The following ADAMTS3 variants were observed in gnomAD, a reference collection of about 807,000 sequenced individuals.
The protein encoded by ADAMTS3 is ADAM metallopeptidase with thrombospondin type 1 motif 3.
Under a neutral mutation model 129.0 loss-of-function variants are expected in ADAMTS3, and 73 were observed. The ratio of observed to expected loss-of-function variants is 0.57; its 90% confidence interval spans 0.47 to 0.69. The LOEUF (loss-of-function observed/expected upper bound fraction) is 0.69. ADAMTS3 is among the 30% of genes least tolerant of loss of function. The pLI is 0.00. For synonymous variants in ADAMTS3, 477 were observed against 510.8 expected (o/e 0.93, Z 0.89); for missense variants, 1,457 against 1,514.5 (o/e 0.96, Z 0.63).
intron 3 of ADAMTS3, among the ~76,000 whole-genome samples, chr4:72,475,412 G>T (rs939259410): frequency 1.3e-5 from 2 of 151,728 alleles, no homozygotes; most frequent in African/African-American, 4.8e-5. Context: ...TATATTAACA[G>T]AAAGAGATAT....
intron 4 of ADAMTS3, among the ~76,000 whole-genome samples, chr4:72,363,684 A>G (rs1247224885): frequency 2.0e-5 from 3 of 152,166 alleles, no homozygotes; most frequent in African/African-American, 4.8e-5. Context: ...ACCTGTAAAC[A>G]GTAGTGAAAG....
intron 3 of ADAMTS3, among the ~76,000 whole-genome samples, chr4:72,469,127 A>G (rs1244093268): frequency 6.6e-6 from 1 of 152,130 alleles, no homozygotes; most frequent in Admixed American, 6.6e-5. Context: ...ATGAATACAA[A>G]ATTCTGTTTA....
intron 3 of ADAMTS3, among the ~76,000 whole-genome samples, chr4:72,446,515 A>G (rs1368522375): frequency 2.0e-5 from 3 of 151,652 alleles, no homozygotes; most frequent in African/African-American, 7.3e-5. Flanking sequence ...CCAAGAAAAC[A>G]GCGATCACAC....
At chr4:72,433,021 C>T (rs978441985) in intron 3 of ADAMTS3, among the ~76,000 whole-genome samples, 2 of 151,948 alleles carry the variant, frequency 1.3e-5, no homozygotes, top group African/African-American at 4.8e-5. Context: ...TGAAATCCTA[C>T]TCTGTTTATA....
At chr4:72,545,370 G>A (rs1444555898) in intron 3 of ADAMTS3, among the ~76,000 whole-genome samples, 1 of 152,120 alleles carries the variant, frequency 6.6e-6, no homozygotes, top group Non-Finnish European at 1.5e-5. Context: ...GCATAGGCAA[G>A]CATACAACAC....
At chr4:72,405,459 A>G (rs1440246695) in intron 4 of ADAMTS3, among the ~76,000 whole-genome samples, 1 of 152,166 alleles carries the variant, frequency 6.6e-6, no homozygotes, top group African/African-American at 2.4e-5. Context: ...TTTAAAAAAA[A>G]CAGATTTGTA....
At chr4:72,367,849 CA>C (rs35388186) in intron 4 of ADAMTS3, among the ~76,000 whole-genome samples, 96,148 of 125,688 alleles carry the variant, frequency 0.76, 35,553 homozygotes, top group African/African-American at 0.79. Context: ...GACTCTGTGT[CA>C]AAAAAAAAAA....
intron 4 of ADAMTS3, among the ~76,000 whole-genome samples, chr4:72,388,331 T>C (rs1312017736): frequency 6.6e-6 from 1 of 152,218 alleles, no homozygotes; most frequent in African/African-American, 2.4e-5. Context: ...GAGGAACTGG[T>C]ACTTCACTAA....
chr4:72,453,368 T>C (rs965436443), intron 3 of ADAMTS3, among the ~76,000 whole-genome samples: 5 of 151,790 alleles, frequency 3.3e-5, no homozygotes, highest in African/African-American at 7.2e-5. Context: ...AAATAACAGC[T>C]AATATTTATT....
intron 3 of ADAMTS3, among the ~76,000 whole-genome samples, chr4:72,521,553 A>G (rs1023651670): frequency 2.0e-5 from 3 of 152,228 alleles, no homozygotes; most frequent in South Asian, 2.1e-4. Context: ...TCAGAGCTCA[A>G]TGCAAGTCAG....
chr4:72,465,082 A>T (rs1718883905), intron 3 of ADAMTS3, among the ~76,000 whole-genome samples: 1 of 152,016 alleles, frequency 6.6e-6, no homozygotes, highest in Non-Finnish European at 1.5e-5. Context: ...AAGTAAATAA[A>T]TAAACACCAT....
chr4:72,370,992 A>G lies in ADAMTS3; in HGVS notation c.662-31299T>C, dbSNP rs193175988. On this transcript the variant is annotated intron_variant, in intron 4 of 21. Coordinates refer to ENST00000286657, the MANE Select transcript of ADAMTS3 (RefSeq NM_014243.3). ...CAGTGAATGATGTCTTTAGAATAAAAGAGAAATGTAGACATAGACACATAG... is the reference window on the plus strand; with the variant it reads ...CAGTGAATGATGTCTTTAGAATAAAGGAGAAATGTAGACATAGACACATAG... 3.3e-3 allele frequency among the ~76,000 whole-genome samples: 496 copies of G among 152,334 alleles called. 3 individuals carry two copies. Among genetic ancestry groups the G allele is most frequent in the Non-Finnish European group, 4.8e-3 (329 of 68,036 alleles).
intron 3 of ADAMTS3, among the ~76,000 whole-genome samples, chr4:72,447,566 T>C (rs1372510700): frequency 1.3e-5 from 2 of 151,770 alleles, no homozygotes; most frequent in Non-Finnish European, 2.9e-5. Flanking sequence ...AAAATGTAGA[T>C]GTAAAAATTA....
chr4:72,289,923 T>C (rs1470986566), intron 20 of ADAMTS3, among the ~76,000 whole-genome samples: 1 of 152,202 alleles, frequency 6.6e-6, no homozygotes. Flanking sequence ...GGAATTCTGT[T>C]AAAGCAGCAA....
intron 3 of ADAMTS3, among the ~76,000 whole-genome samples, chr4:72,489,106 G>T (rs1560535714): frequency 6.6e-6 from 1 of 151,892 alleles, no homozygotes; most frequent in Non-Finnish European, 1.5e-5. Context: ...CAAATGGCAG[G>T]ATTTCCTTCA....
chr4:72,499,277 A>C (rs788927), intron 3 of ADAMTS3, among the ~76,000 whole-genome samples: 132,599 of 152,224 alleles, frequency 0.87, 58,796 homozygotes, highest in Middle Eastern at 0.97. Flanking sequence ...CTATTCACAA[A>C]AGTAAGCGCA....
intron 4 of ADAMTS3, among the ~76,000 whole-genome samples, chr4:72,384,653 C>T (rs887206397): frequency 3.9e-5 from 6 of 152,012 alleles, no homozygotes; most frequent in African/African-American, 9.7e-5. Context: ...CAGAACTACA[C>T]CACAAAAATT....
At position 72,339,531 on chromosome 4, in the gene ADAMTS3, T is replaced by C. The variant is rs1421158207; in HGVS notation, c.824A>G (p.Glu275Gly). Residue 275 changes from glutamate (E) to glycine (G), a missense_variant, in exon 5 of 22, where the codon GAG becomes GGG. Physicochemically the swap from Glu to Gly is moderately conservative, Grantham distance 98. Transcript: ENST00000286657. ...DDSVVRFHGKEHVQNYLLTLM... is the reference protein window; with the variant it reads ...DDSVVRFHGKGHVQNYLLTLM... ...GGTCAGGAGGTAGTTTTGGACGTGC[T>C]CTTTGCCATGGAAACGGACCACAGA... 2.5e-6 allele frequency: 4 copies of C among 1,613,836 alleles called. No individual in the cohort carries two copies. Among genetic ancestry groups the C allele is most frequent in the Non-Finnish European group, 3.4e-6 (4 of 1,179,880 alleles).
intron 3 of ADAMTS3, among the ~76,000 whole-genome samples, chr4:72,522,988 A>T (rs1720712945): frequency 2.0e-5 from 3 of 152,136 alleles, no homozygotes; most frequent in Non-Finnish European, 4.4e-5. Context: ...AAAATAATAG[A>T]CTTATTTTTA....
Sources: allele counts gnomAD v4.1 joint callset (sites outside exome capture counted in the v4.1 genomes callset), GRCh38; gene constraint gnomAD v4.1.1; transcripts MANE v1.5; gene names NCBI Gene and HGNC (gene_info 2026-07-23, HGNC 2026-07-21).